Variants in CFAP65 observed in about 807,000 individuals in gnomAD.
CFAP65 encodes the protein cilia- and flagella-associated protein 65.
Under a neutral mutation model 208.0 loss-of-function variants are expected in CFAP65, and 155 were observed. The observed-to-expected ratio is 0.75, with a 90% CI of 0.65 to 0.85. The LOEUF is 0.85. Ranked by LOEUF, CFAP65 falls within the 40% of genes least tolerant of loss-of-function variation. CFAP65 has a pLI of 0.00. For missense variants in CFAP65, 2,294 were observed against 2,451.3 expected, an observed-to-expected ratio of 0.94 and a Z score of 1.36; for synonymous variants, 970 against 986.3, an observed-to-expected ratio of 0.98 and a Z score of 0.31.
At chr2:219,030,342 GC>G in intron 9 of CFAP65, 134 bp from the exon 10 acceptor site, 1 of 917,410 alleles carries the variant, frequency 1.1e-6, no homozygotes, top group Non-Finnish European at 1.7e-6. Context: ...TGCCCCACTG[GC>G]CAGACTGCCT....
chr2:219,006,833 CAAAAAAAA>C (rs752764154), intron 29 of CFAP65, among the ~76,000 whole-genome samples: 1 of 76,414 alleles, frequency 1.3e-5, no homozygotes, highest in African/African-American at 4.6e-5. Flanking sequence ...GACTCTGTCT[CAAAAAAAA>C]AAAAAAAAAA....
chr2:219,030,165 G>A lies in CFAP65; in HGVS notation c.1205C>T (p.Ala402Val). 1 of 1,614,026 alleles carries A rather than the reference G, an allele frequency of 6.2e-7. No homozygotes were observed. The highest frequency in any genetic ancestry group is 2.2e-5 in the East Asian group (1 of 44,872). ...GGGGCATGAGAAGGCCTGGTCTTCG[G>A]CCAGTTCATCCGGGGAAATTTCAAT... is the stretch of plus-strand genomic sequence containing the variant. ...FRIEISPDEL[A>V]EDQAFSCPTA... is the part of the protein sequence containing the mutation. Residue 402 changes from alanine (A) to valine (V), a missense_variant, in exon 10 of 35, where the codon GCC (alanine) becomes GTC (valine). Ala to Val is a moderately conservative substitution (Grantham distance 64, BLOSUM62 0). Transcript: ENST00000341552.
At chr2:219,009,022 T>G in intron 29 of CFAP65, 25 bp downstream of exon 29, 15 of 1,572,754 alleles carry the variant, frequency 9.5e-6, no homozygotes, top group Non-Finnish European at 1.3e-5. Flanking sequence ...ATCTGGGTGT[T>G]TGAGATCTAC....
rs1947143302 is a variant in CFAP65, at chr2:219,019,619, C to T, written c.3360G>A (p.Glu1120=). 2 of 1,613,716 alleles carry T rather than the reference C, an allele frequency of 1.2e-6. No homozygotes were observed. The highest frequency in any genetic ancestry group is 1.3e-5 in the African/African-American group (1 of 74,936). Residue 1120 remains glutamate, a synonymous_variant, in exon 20 of 35, where the codon GAG becomes GAA. Coordinates refer to ENST00000341552, the MANE Select transcript of CFAP65 (RefSeq NM_194302.4). ...ILDVSSMGSA[E]GITRKHLWRL... ...GCCACAGGTGCTTCCGGGTGATACC[C>T]TCAGCACTGCCCATGGAGCTGACAT...
chr2:219,010,446 T>A lies in CFAP65; in HGVS notation c.4308+100A>T, dbSNP rs1441620642. The A allele has an allele frequency of 6.9e-6, 9 of 1,298,334 alleles. No homozygotes were observed. In the African/African-American group the frequency reaches 7.6e-5, roughly 11 times the overall value. 80.4% of individuals were successfully genotyped at this position (1,298,334 alleles called of 1,614,324 possible). A position where few individuals can be genotyped will look rare whatever the true frequency, so the allele number is the denominator to read the frequency against. ...CTGCCTCTGTCCCTCCTCAACTACATCTCATGTCCCTCCCAGCCTCCCCAT... is the reference window on the plus strand; with the variant it reads ...CTGCCTCTGTCCCTCCTCAACTACAACTCATGTCCCTCCCAGCCTCCCCAT... On this transcript the variant is annotated intron_variant, in intron 26 of 34. Coordinates refer to ENST00000341552, the MANE Select transcript of CFAP65 (RefSeq NM_194302.4).
intron 14 of CFAP65, 63 bp downstream of exon 14, chr2:219,025,959 C>T: frequency 2.5e-6 from 4 of 1,583,334 alleles, no homozygotes; most frequent in Non-Finnish European, 3.5e-6. Flanking sequence ...GAGGGATCTG[C>T]AGGCCAAGGC....
chr2:219,038,684 C>A lies in CFAP65; in HGVS notation c.154-106G>T, dbSNP rs572022347. On this transcript the variant is annotated intron_variant, in intron 3 of 34. Coordinates refer to ENST00000341552, the MANE Select transcript of CFAP65 (RefSeq NM_194302.4). ...TTGTCATGGAGGAGAGGGTCTGCTT[C>A]CCAGCTCTGGCAACAGGTGCTACCT... The A allele has an allele frequency of 2.5e-6, 3 of 1,219,498 alleles. No individual in the cohort carries two copies. In the Admixed American group the frequency reaches 5.8e-5, roughly 24 times the overall value. 75.5% of individuals were successfully genotyped at this position (1,219,498 alleles called of 1,614,324 possible). A position where few individuals can be genotyped will look rare whatever the true frequency, so the allele number is the denominator to read the frequency against.
Position 219,003,273 on chromosome 2 carries a change from C to T in CFAP65, c.5556-1G>A. 2 of 1,533,516 alleles carry T rather than the reference C, an allele frequency of 1.3e-6. No homozygotes were observed. The highest frequency in any genetic ancestry group is 1.8e-6 in the Non-Finnish European group (2 of 1,138,660). The allele number at this position is 1,533,516 out of a possible 1,614,324, so 95.0% of individuals were successfully genotyped here. A position where few individuals can be genotyped will look rare whatever the true frequency, so the allele number is the denominator to read the frequency against. On this transcript the variant is annotated splice_acceptor_variant, in intron 33 of 34. Coordinates refer to ENST00000341552, the MANE Select transcript of CFAP65 (RefSeq NM_194302.4). LOFTEE classifies it high-confidence loss of function. The surrounding 1 kb of genome is among the most constrained non-coding windows in gnomAD (Gnocchi z 4.4). The stretch of plus-strand genomic sequence containing the variant: ...CTGCAGGTTGGCGAAGGCCGGGAGC[C>T]TGCGAGGGGGCGGGGGCTAGCATGA...
intron 21 of CFAP65, among the ~76,000 whole-genome samples, chr2:219,017,456 T>C (rs1030102641): frequency 3.3e-5 from 5 of 152,228 alleles, no homozygotes; most frequent in African/African-American, 1.2e-4. Context: ...CCTCCGTCTG[T>C]TCTTTATGAG....
rs1411178841 is a variant in CFAP65 at position 219,031,793 on chromosome 2, G to A, written c.646-135C>T. ...CCGTGGCACCCACGTCAGACTCTGA[G>A]GGGAGCTGGGCACCTATGTTGTCTT... On this transcript the variant is annotated intron_variant, in intron 6 of 34. Coordinates refer to ENST00000341552, the MANE Select transcript of CFAP65 (RefSeq NM_194302.4). The surrounding 1 kb of genome is among the most constrained non-coding windows in gnomAD (Gnocchi z 5.2). 2 of 982,920 alleles carry A rather than the reference G, an allele frequency of 2.0e-6. No homozygotes were observed. The highest frequency in any genetic ancestry group is 3.0e-6 in the Non-Finnish European group (2 of 668,744). 60.9% of individuals were successfully genotyped at this position (982,920 alleles called of 1,614,324 possible).
In CFAP65 at chr2:219,032,428, C is replaced by T. The variant is rs374298024; in HGVS notation, c.645+42G>A. 68 of 1,520,970 alleles carry T rather than the reference C, an allele frequency of 4.5e-5. No homozygotes were observed. Among genetic ancestry groups the T allele is most frequent in the Non-Finnish European group, 5.9e-5 (66 of 1,121,528 alleles). The allele number at this position is 1,520,970 out of a possible 1,614,324, so 94.2% of individuals were successfully genotyped here. A position where few individuals can be genotyped will look rare whatever the true frequency, so the allele number is the denominator to read the frequency against. ...TGTTTTCTGTTCTGAGGTCACTGCT[C>T]CCAGGTACCTCCCTGCCCTCACTCG... On this transcript the variant is annotated intron_variant, in intron 6 of 34. Coordinates refer to ENST00000341552, the MANE Select transcript of CFAP65 (RefSeq NM_194302.4). This position sits in a 1 kb window ranked among gnomAD's most constrained non-coding sequence, Gnocchi z 5.5.
chr2:219,004,240 C>A lies in CFAP65; in HGVS notation c.5267G>T (p.Gly1756Val). ...CTCCCCCTCTTCCTTCTTTCCCAAC[C>A]CTGGATAGTGCTCTGGTCTGTCTTC... ...PKEDRPEHYP[G>V]LGKKEEGEEE... The change falls in exon 33 of 35, where the codon GGG (glycine) becomes GTG (valine). Residue 1756 changes from glycine to valine, a missense_variant. This residue lies in a region of CFAP65 where 1,427 missense variants were observed against 1,438.7 expected (regional missense o/e 0.99). Coordinates refer to ENST00000341552, the MANE Select transcript of CFAP65 (RefSeq NM_194302.4). The surrounding 1 kb of genome is among the most constrained non-coding windows in gnomAD (Gnocchi z 4.7). The A allele has an allele frequency of 1.9e-6, 3 of 1,614,050 alleles. No homozygotes were observed. Among genetic ancestry groups the A allele is most frequent in the Non-Finnish European group, 1.7e-6 (2 of 1,180,020 alleles).
chr2:219,030,745 A>C lies in CFAP65; in HGVS notation c.1105T>G (p.Ser369Ala). ...TCCGAGGTGCAGCCCACAGCAACAG[A>C]GCCAAAGTACAACAGCTTCTGGAAG... ...EGFQKLLYFGSVAVGCTSERQ... is the reference protein window; with the variant it reads ...EGFQKLLYFGAVAVGCTSERQ... The change falls in exon 9 of 35, where the codon TCT (serine) becomes GCT (alanine). Residue 369 changes from serine to alanine, a missense_variant. Coordinates refer to ENST00000341552, the MANE Select transcript of CFAP65 (RefSeq NM_194302.4). 1 of 1,614,156 alleles carries C rather than the reference A, an allele frequency of 6.2e-7. No individual in the cohort carries two copies. Among genetic ancestry groups the C allele is most frequent in the Non-Finnish European group, 8.5e-7 (1 of 1,180,010 alleles).
At position 219,010,692 on chromosome 2, in the gene CFAP65, T is replaced by G. The variant is rs1946412909; in HGVS notation, c.4162A>C (p.Ile1388Leu). 6.2e-7 allele frequency: 1 copy of G among 1,608,070 alleles called. No homozygotes were observed. Among genetic ancestry groups the G allele is most frequent in the African/African-American group, 1.3e-5 (1 of 74,746 alleles). ...EAKTYTVDVP[I>L]HILGWNSALI... ...GCCGAGTTCCATCCCAGGATGTGTA[T>G]GGGCACGTCCACCTGGGGAGTTAGG... is the stretch of plus-strand genomic sequence containing the variant. Residue 1388 changes from isoleucine to leucine, a missense_variant, in exon 26 of 35, where the codon ATA (isoleucine) becomes CTA (leucine). Ile to Leu is a conservative substitution (Grantham distance 5). Around this residue, in one of 2 missense-constraint regions of CFAP65, gnomAD observed 1,427 missense variants for 1,438.7 expected, o/e 0.99. Transcript: ENST00000341552.
At chr2:219,016,288 C>CCT (rs1219340791) in intron 21 of CFAP65, among the ~76,000 whole-genome samples, 1,414 of 133,642 alleles carry the variant, frequency 0.011, 45 homozygotes, top group African/African-American at 0.043. Flanking sequence ...CAGTCTCCCT[C>CCT]CTTTTTTTTT....
rs1192605587 is a variant in CFAP65 at position 219,019,600 on chromosome 2, G to A, written c.3379C>T (p.Leu1127=). 2.5e-6 allele frequency: 4 copies of A among 1,613,716 alleles called. No individual in the cohort carries two copies. In the Admixed American group the frequency reaches 5.0e-5, roughly 20 times the overall value. ...AGGTCCAGAGAGAAGAGGCGCCACA[G>A]GTGCTTCCGGGTGATACCCTCAGCA... ...GSAEGITRKH[L]WRLFSLDLLN... The change falls in exon 20 of 35, where the codon CTG becomes TTG. Residue 1127 remains leucine, a synonymous_variant. Coordinates refer to ENST00000341552, the MANE Select transcript of CFAP65 (RefSeq NM_194302.4).
rs574702328 is a variant in CFAP65 at position 219,029,129 on chromosome 2, G to A, written c.1650+274C>T. Among the ~76,000 whole-genome samples, 4 of 152,334 alleles carry A rather than the reference G, an allele frequency of 2.6e-5. No individual in the cohort carries two copies. In the East Asian group the frequency reaches 7.7e-4, roughly 29 times the overall value. On this transcript the variant is annotated intron_variant, in intron 11 of 34. Coordinates refer to ENST00000341552, the MANE Select transcript of CFAP65 (RefSeq NM_194302.4). ...GGGCTCAGCGGGAGGGTGGGAGGCT[G>A]CGAGTCCAAGCCTCCCTCTCCCAGC...
In CFAP65 at chr2:219,004,392, C is replaced by A. The variant is rs139532198; in HGVS notation, c.5115G>T (p.Pro1705=). The change falls in exon 33 of 35, where the codon CCG becomes CCT. Residue 1705 remains proline, a synonymous_variant. Transcript: ENST00000341552. The surrounding 1 kb of genome is among the most constrained non-coding windows in gnomAD (Gnocchi z 4.7). Reference sequence around the variant, plus strand: ...GCTCATTCCAGAATTGGCGGAAGTACGGCACCTGCTCCACCAGGCTTTGGT... The same window carrying A: ...GCTCATTCCAGAATTGGCGGAAGTAAGGCACCTGCTCCACCAGGCTTTGGT... ...AVDQSLVEQV[P]YFRQFWNEQS... The A allele has an allele frequency of 6.2e-7, 1 of 1,613,994 alleles. No homozygotes were observed. Among genetic ancestry groups the A allele is most frequent in the Non-Finnish European group, 8.5e-7 (1 of 1,179,976 alleles).
At chr2:219,035,024 A>G in intron 5 of CFAP65, 1 of 281,128 alleles carries the variant, frequency 3.6e-6, no homozygotes, top group Non-Finnish European at 6.6e-6. Context: ...TATTCCCCAG[A>G]AAAGACAGAA....
Sources: allele counts gnomAD v4.1 joint callset (sites outside exome capture counted in the v4.1 genomes callset), GRCh38; gene constraint gnomAD v4.1.1; regional missense constraint gnomAD v4.1.1; non-coding constraint Gnocchi (gnomAD v3.1); transcripts MANE v1.5; gene names NCBI Gene and HGNC (gene_info 2026-07-23, HGNC 2026-07-21).